The following BBS2 variants were observed in gnomAD, a reference collection of about 807,000 sequenced individuals.
The protein encoded by BBS2 is Bardet-Biedl syndrome 2.
BBS2 carries 62 observed loss-of-function variants against 83.0 expected under a neutral mutation model. The observed-to-expected ratio is 0.75, with a 90% CI of 0.61 to 0.92. The LOEUF (loss-of-function observed/expected upper bound fraction) is 0.92, where lower values mean the gene tolerates loss of function less well. BBS2 is among the 40% of genes least tolerant of loss of function. The pLI, the probability that BBS2 is intolerant of heterozygous loss-of-function variation, is 0.00. For synonymous variants in BBS2, 303 were observed against 326.1 expected, an observed-to-expected ratio of 0.93 and a Z score of 0.76; for missense variants, 784 against 901.0, an observed-to-expected ratio of 0.87 and a Z score of 1.66.
At chr16:56,485,505 G>T in intron 16 of BBS2, 85 bp downstream of exon 16, 1 of 1,528,094 alleles carries the variant, frequency 6.5e-7, no homozygotes, top group South Asian at 1.1e-5. Flanking sequence ...GCCCCAATAT[G>T]AATTATTGGA....
At chr16:56,518,996 A>C (rs1272623380) in intron 1 of BBS2, among the ~76,000 whole-genome samples, 3 of 152,210 alleles carry the variant, frequency 2.0e-5, no homozygotes, top group Admixed American at 6.5e-5. Flanking sequence ...AATTTGAATA[A>C]GTTAATTTTT....
At chr16:56,502,843 G>A (rs1451881463) in intron 7 of BBS2, 35 bp from the exon 8 acceptor site, 2 of 1,613,130 alleles carry the variant, frequency 1.2e-6, no homozygotes, top group African/African-American at 2.7e-5. Context: ...AGTTGCTTAT[G>A]CTACATGTTT....
chr16:56,473,491 C>A (rs1963299759), intron 17 of BBS2, among the ~76,000 whole-genome samples: 1 of 152,196 alleles, frequency 6.6e-6, no homozygotes. Context: ...ACATCAAAGA[C>A]TGCTCAAAAT....
intron 15 of BBS2, 121 bp downstream of exon 15, chr16:56,496,846 C>T: frequency 1.2e-6 from 1 of 809,048 alleles, no homozygotes; most frequent in Non-Finnish European, 2.2e-6. Flanking sequence ...CTGATAATGC[C>T]AAGTTATTTT....
rs1378506015 is a variant in BBS2 at position 56,499,783 on chromosome 16, G to A, written c.1522C>T (p.Gln508Ter). The change falls in exon 12 of 17, where the codon CAG becomes TAG. Residue 508 changes from glutamine to a stop codon, truncating the protein, a stop_gained. Coordinates refer to ENST00000245157, the MANE Select transcript of BBS2 (RefSeq NM_031885.5). LOFTEE classifies it high-confidence loss of function. ...YVNFTIAERA[Q>*]RVVVWLGQNF... ...GAGAAAAGCGAGATACTCACCCTCT[G>A]TGCCCGTTCTGCAATGGTAAAGTTA... 6.2e-7 allele frequency: 1 copy of A among 1,614,128 alleles called. No homozygotes were observed. Among genetic ancestry groups the A allele is most frequent in the Non-Finnish European group, 8.5e-7 (1 of 1,179,988 alleles).
rs528649699 is a variant in BBS2 at position 56,494,887 on chromosome 16, G to A, written c.1910+2080C>T. Among the ~76,000 whole-genome samples, 165 of 151,852 alleles carry A rather than the reference G, an allele frequency of 1.1e-3. 3 individuals are homozygous for A. In the South Asian group the frequency reaches 0.032, roughly 30 times the overall value. On this transcript the variant is annotated intron_variant, in intron 15 of 16. Transcript: ENST00000245157. ...TGAGGCAGGAGAATGGCATGAACCCGGGAGGCGGAGGTTGCAGTGAGCCGA... is the reference window on the plus strand; with the variant it reads ...TGAGGCAGGAGAATGGCATGAACCCAGGAGGCGGAGGTTGCAGTGAGCCGA...
intron 3 of BBS2, 84 bp from the exon 4 acceptor site, chr16:56,511,005 C>A: frequency 6.4e-7 from 1 of 1,570,278 alleles, no homozygotes. Flanking sequence ...GAGAGGATTA[C>A]ACAAAACACG....
At chr16:56,478,465 C>T (rs577125805) in intron 17 of BBS2, 1 of 152,308 alleles carries the variant, frequency 6.6e-6, no homozygotes, top group East Asian at 1.9e-4. Context: ...CTTGCCTTTT[C>T]TATATTCCAG....
intron 15 of BBS2, among the ~76,000 whole-genome samples, 172 bp downstream of exon 15, chr16:56,496,795 T>C (rs1438305323): frequency 6.6e-6 from 1 of 152,260 alleles, no homozygotes; most frequent in African/African-American, 2.4e-5. Context: ...AAACCAGGAA[T>C]AGAATTGCTG....
At chr16:56,473,624 T>G (rs1688156135) in intron 17 of BBS2, among the ~76,000 whole-genome samples, 1 of 152,214 alleles carries the variant, frequency 6.6e-6, no homozygotes, top group African/African-American at 2.4e-5. Context: ...CCAACTTGCT[T>G]ATTCTTTAGG....
Position 56,514,380 on chromosome 16 carries a change from T to G in BBS2, c.345+73A>C, listed in dbSNP as rs1964671040. On this transcript the variant is annotated intron_variant, in intron 2 of 16. Coordinates refer to ENST00000245157, the MANE Select transcript of BBS2 (RefSeq NM_031885.5). ...AACAAACAGACCAAAATAAATGATCTGATCTCTTCTAAGCATAAAAAATGG... is the reference window on the plus strand; with the variant it reads ...AACAAACAGACCAAAATAAATGATCGGATCTCTTCTAAGCATAAAAAATGG... The G allele has an allele frequency of 8.0e-6, 11 of 1,370,734 alleles. No homozygotes were observed. In the South Asian group the frequency reaches 1.1e-4, roughly 13 times the overall value. The allele number at this position is 1,370,734 out of a possible 1,614,324, so 84.9% of individuals were successfully genotyped here.
downstream of BBS2, among the ~76,000 whole-genome samples, chr16:56,481,198 A>G (rs963090849): frequency 4.6e-4 from 70 of 151,996 alleles, 1 homozygote; most frequent in Non-Finnish European, 1.9e-4. Context: ...AATAGTTTTA[A>G]AGTTCCTAGT....
chr16:56,511,454 C>A (rs780220765), intron 2 of BBS2, among the ~76,000 whole-genome samples, 170 bp from the exon 3 acceptor site: 4 of 152,174 alleles, frequency 2.6e-5, no homozygotes, highest in Non-Finnish European at 4.4e-5. Flanking sequence ...GGATAATAAT[C>A]TACTTTACTA....
intron 12 of BBS2, chr16:56,499,072 A>C (rs1365654178): frequency 4.5e-6 from 1 of 222,798 alleles, no homozygotes; most frequent in Admixed American, 5.3e-5. Context: ...AATAGCAGTA[A>C]CACCATGCAG....
chr16:56,519,872 G>C lies in BBS2; in HGVS notation c.-10C>G. On this transcript the variant is annotated 5_prime_UTR_variant, in exon 1 of 17. Coordinates refer to ENST00000245157, the MANE Select transcript of BBS2 (RefSeq NM_031885.5). Reference sequence around the variant, plus strand: ...ACACAGGCAGCAGCATGATGGCGGCGGCTTAGGGGAGGAGGGCTGGAAGCT... The same window carrying C: ...ACACAGGCAGCAGCATGATGGCGGCCGCTTAGGGGAGGAGGGCTGGAAGCT... 1 of 1,608,812 alleles carries C rather than the reference G, an allele frequency of 6.2e-7. No homozygotes were observed. Among genetic ancestry groups the C allele is most frequent in the Admixed American group, 1.7e-5 (1 of 59,998 alleles).
intron 15 of BBS2, among the ~76,000 whole-genome samples, chr16:56,491,441 A>G (rs1481152826): frequency 6.6e-6 from 1 of 152,146 alleles, no homozygotes; most frequent in African/African-American, 2.4e-5. Context: ...CTTTTCTGCC[A>G]TGTTTTGACT....
intron 12 of BBS2, 155 bp downstream of exon 12, chr16:56,499,623 T>C: frequency 1.0e-6 from 1 of 957,858 alleles, no homozygotes. Context: ...ATATTTTTAT[T>C]ACAGGTTACA....
At chr16:56,514,771 C>A in intron 1 of BBS2, 91 bp from the exon 2 acceptor site, 1 of 950,156 alleles carries the variant, frequency 1.1e-6, no homozygotes, top group Non-Finnish European at 1.6e-6. Context: ...ATTAACACAT[C>A]CACATTAACA....
At chr16:56,506,545 C>T (rs1433976120) in intron 5 of BBS2, among the ~76,000 whole-genome samples, 4 of 151,994 alleles carry the variant, frequency 2.6e-5, no homozygotes, top group South Asian at 2.1e-4. Flanking sequence ...TACACAAGAT[C>T]GAAAATATGC....
Sources: gnomAD v4.1 joint callset for allele counts (sites outside exome capture counted in the v4.1 genomes callset) on GRCh38, gnomAD v4.1.1 for gene constraint, MANE v1.5 for transcripts, NCBI Gene and HGNC (gene_info 2026-07-23, HGNC 2026-07-21) for gene names.